Variants in FOXP4 observed in about 807,000 individuals in gnomAD.
FOXP4 encodes forkhead box P4.
Under a neutral mutation model 82.6 loss-of-function variants are expected in FOXP4, and 25 were observed. That is an observed-to-expected ratio of 0.30 (90% CI 0.22 to 0.42). The LOEUF is 0.42. FOXP4 is among the 10% of genes least tolerant of loss of function. The pLI, the probability that FOXP4 is intolerant of heterozygous loss-of-function variation, is 1.00. For missense variants in FOXP4, 785 were observed against 900.9 expected, an observed-to-expected ratio of 0.87 and a Z score of 1.65; for synonymous variants, 415 against 388.2, an observed-to-expected ratio of 1.07 and a Z score of -0.81.
chr6:41,566,096 C>A, intron 2 of FOXP4, 132 bp downstream of exon 2: 1 of 943,672 alleles, frequency 1.1e-6, no homozygotes, highest in Non-Finnish European at 1.5e-6. Context: ...GACAGTCCAG[C>A]CTCCAAGGAC....
chr6:41,581,147 G>C (rs1006852477), intron 3 of FOXP4, among the ~76,000 whole-genome samples: 1 of 152,162 alleles, frequency 6.6e-6, no homozygotes, highest in African/African-American at 2.4e-5. Context: ...TGCTGCAGCT[G>C]CAGCCCAGGA....
chr6:41,579,324 C>CT (rs1015853199), intron 3 of FOXP4, among the ~76,000 whole-genome samples: 1 of 152,122 alleles, frequency 6.6e-6, no homozygotes, highest in Non-Finnish European at 1.5e-5. Flanking sequence ...AGAATGAGAT[C>CT]TAAAAGGTTC....
chr6:41,597,372 G>A (rs1363360629), intron 15 of FOXP4, 130 bp downstream of exon 15: 25 of 924,524 alleles, frequency 2.7e-5, no homozygotes, highest in Non-Finnish European at 3.5e-5. Flanking sequence ...CAAACTCTCC[G>A]AGACCCCACC....
At position 41,598,839 on chromosome 6, in the gene FOXP4, A is replaced by C; in HGVS notation, c.1946A>C (p.Gln649Pro). The stretch of plus-strand genomic sequence containing the variant: ...CCAGCAGAGGCAGAGGAAGACAGGC[A>C]GCCCGGGCCTCCCCTGGGCGCCCCT... Reference protein sequence around the residue: ...EEPAEAEEDRQPGPPLGAPNP... With the variant: ...EEPAEAEEDRPPGPPLGAPNP... Residue 649 changes from glutamine to proline, a missense_variant, in exon 17 of 17, where the codon CAG (glutamine) becomes CCG (proline). By Grantham distance (76) the Gln-to-Pro change is moderately conservative. Transcript: ENST00000307972. 6.3e-7 allele frequency: 1 copy of C among 1,580,742 alleles called. No individual in the cohort carries two copies. Among genetic ancestry groups the C allele is most frequent in the Non-Finnish European group, 8.6e-7 (1 of 1,164,416 alleles).
chr6:41,586,827 G>A (rs1445351344), intron 5 of FOXP4, among the ~76,000 whole-genome samples, 182 bp from the exon 6 acceptor site: 2 of 152,202 alleles, frequency 1.3e-5, no homozygotes, highest in Non-Finnish European at 1.5e-5. Context: ...TGTTTACTGC[G>A]AGGAGGCATG....
rs116314747 is a variant in FOXP4 at position 41,589,970 on chromosome 6, C to T, written c.1157C>T (p.Pro386Leu). ...CCTCCCCGTTGCTCACAGCTGAACC[C>T]GGTCCCCGGCTCCTCCTCATTCTCC... ...EPKPFSQPLN[P>L]VPGSSSFSKV... Residue 386 changes from proline to leucine, a missense_variant, in exon 11 of 17, where the codon CCG becomes CTG. Physicochemically the swap from Pro to Leu is moderately conservative, Grantham distance 98 (BLOSUM62 -3). Transcript: ENST00000307972. 3.6e-4 allele frequency: 577 copies of T among 1,613,902 alleles called. 2 individuals are homozygous for T. In the African/African-American group the frequency reaches 6.4e-3, roughly 18 times the overall value.
In FOXP4 at chr6:41,586,889, A is replaced by C. The variant is rs1766162203; in HGVS notation, c.511-120A>C. The C allele has an allele frequency of 4.2e-6, 6 of 1,426,430 alleles. No individual in the cohort carries two copies. The East Asian group carries it at 1.5e-4, about 35-fold the overall frequency. The allele number at this position is 1,426,430 out of a possible 1,614,324, so 88.4% of individuals were successfully genotyped here. A position where few individuals can be genotyped will look rare whatever the true frequency, so the allele number is the denominator to read the frequency against. On this transcript the variant is annotated intron_variant, in intron 5 of 16. Transcript: ENST00000307972. ...CAGAGACACTGCAGCTGCAGACGCC[A>C]CAACGACAGCTCCAGGGGCTGACAG... is the stretch of plus-strand genomic sequence containing the variant.
At chr6:41,595,178 G>C (rs1161943198) in intron 14 of FOXP4, among the ~76,000 whole-genome samples, 187 bp downstream of exon 14, 1 of 152,234 alleles carries the variant, frequency 6.6e-6, no homozygotes. Flanking sequence ...GGAAGTGATG[G>C]ATAATCAGAA....
intron 2 of FOXP4, among the ~76,000 whole-genome samples, chr6:41,573,522 C>G (rs1408848964): frequency 6.6e-6 from 1 of 151,930 alleles, no homozygotes; most frequent in African/African-American, 2.4e-5. Flanking sequence ...AGACTGAGTT[C>G]TTAAGCTTGA....
At chr6:41,590,392 T>C in intron 12 of FOXP4, 45 bp downstream of exon 12, 1 of 1,580,306 alleles carries the variant, frequency 6.3e-7, no homozygotes, top group South Asian at 1.2e-5. Context: ...GCACACAGGC[T>C]GCTCCCCCAG....
At position 41,599,030 on chromosome 6, in the gene FOXP4, A is replaced by C; in HGVS notation, c.*94A>C. The stretch of plus-strand genomic sequence containing the variant: ...AACTCCACAGCCCCTCCCGAGCCTC[A>C]AGGCAAGTCCAGGACTCAGACCGGG... On this transcript the variant is annotated 3_prime_UTR_variant, in exon 17 of 17. Transcript: ENST00000307972. 23 of 1,442,702 alleles carry C rather than the reference A, an allele frequency of 1.6e-5. No homozygotes were observed. Among genetic ancestry groups the C allele is most frequent in the Non-Finnish European group, 2.0e-5 (22 of 1,093,082 alleles). The allele number at this position is 1,442,702 out of a possible 1,614,324, so 89.4% of individuals were successfully genotyped here.
At chr6:41,562,704 C>T (rs1241599446) in intron 1 of FOXP4, among the ~76,000 whole-genome samples, 2 of 152,156 alleles carry the variant, frequency 1.3e-5, no homozygotes, top group African/African-American at 4.8e-5. Context: ...GGTCTTTGTC[C>T]CTTGGGGCCC....
rs1388475223 is a variant in FOXP4 at position 41,570,964 on chromosome 6, C to T, written c.204+5000C>T. On this transcript the variant is annotated intron_variant, in intron 2 of 16. Coordinates refer to ENST00000307972, the MANE Select transcript of FOXP4 (RefSeq NM_001012426.2). Reference sequence around the variant, plus strand: ...AACTGCATCCCCCACCACCACTGCCCCCACTCCAACCCTACATTGCAGAGG... The same window carrying T: ...AACTGCATCCCCCACCACCACTGCCTCCACTCCAACCCTACATTGCAGAGG... Among the ~76,000 whole-genome samples, 4 of 152,252 alleles carry T rather than the reference C, an allele frequency of 2.6e-5. No individual in the cohort carries two copies. In the South Asian group the frequency reaches 6.2e-4, roughly 24 times the overall value.
chr6:41,556,464 A>G (rs1256551291), intron 1 of FOXP4, among the ~76,000 whole-genome samples: 1 of 151,484 alleles, frequency 6.6e-6, no homozygotes, highest in Non-Finnish European at 1.5e-5. Flanking sequence ...GCTGGGACTT[A>G]CAGGCGCCCG....
intron 2 of FOXP4, among the ~76,000 whole-genome samples, chr6:41,574,873 C>G (rs1202101017): frequency 1.3e-5 from 2 of 152,196 alleles, no homozygotes; most frequent in Admixed American, 1.3e-4. Flanking sequence ...CCGAGACTTC[C>G]CCAGGTAGAA....
At chr6:41,551,781 A>G (rs1764011174) in intron 1 of FOXP4, among the ~76,000 whole-genome samples, 1 of 152,186 alleles carries the variant, frequency 6.6e-6, no homozygotes, top group African/African-American at 2.4e-5. Flanking sequence ...ACTTGAAGGT[A>G]GGGTGGCTTA....
chr6:41,596,025 G>A (rs1581791905), intron 14 of FOXP4, among the ~76,000 whole-genome samples: 1 of 152,174 alleles, frequency 6.6e-6, no homozygotes, highest in East Asian at 1.9e-4. Context: ...AGCCTCCCGA[G>A]AAGCTGAAAT....
intron 2 of FOXP4, among the ~76,000 whole-genome samples, chr6:41,566,806 G>C (rs1764905889): frequency 6.6e-6 from 1 of 152,184 alleles, no homozygotes. Flanking sequence ...CCTTGAGTGG[G>C]GCAGGGGGCG....
chr6:41,595,854 T>C (rs1201422934), intron 14 of FOXP4, among the ~76,000 whole-genome samples: 6 of 152,226 alleles, frequency 3.9e-5, no homozygotes, highest in Admixed American at 1.3e-4. Context: ...TCCACCTGCC[T>C]TGGCCTCCCA....
Sources: gnomAD v4.1 joint callset for allele counts (sites outside exome capture counted in the v4.1 genomes callset) on GRCh38, gnomAD v4.1.1 for gene constraint, MANE v1.5 for transcripts, NCBI Gene and HGNC (gene_info 2026-07-23, HGNC 2026-07-21) for gene names.